Variants in APLF observed in about 807,000 individuals in gnomAD.
APLF encodes the protein aprataxin and PNK-like factor.
APLF carries 61 observed loss-of-function variants against 55.6 expected under a neutral mutation model. The ratio of observed to expected loss-of-function variants is 1.10; its 90% CI spans 0.89 to 1.36. APLF has a LOEUF of 1.36. APLF is among the 40% of genes most tolerant of loss of function. The pLI is 0.00. For missense variants in APLF, 611 were observed against 602.5 expected (o/e 1.01, Z -0.15); for synonymous variants, 207 against 214.8 (o/e 0.96, Z 0.32).
At chr2:68,513,364 T>G in intron 4 of APLF, 137 bp downstream of exon 4, 2 of 1,266,960 alleles carry the variant, frequency 1.6e-6, no homozygotes, top group Non-Finnish European at 2.2e-6. Context: ...AGTTAAGCTC[T>G]AGAGAATATG....
At chr2:68,468,028 T>C (rs1362574495) in intron 1 of APLF, among the ~76,000 whole-genome samples, 1 of 152,232 alleles carries the variant, frequency 6.6e-6, no homozygotes, top group Non-Finnish European at 1.5e-5. Flanking sequence ...AAACACTGAC[T>C]GTATTACCAT....
At chr2:68,556,080 A>C (rs1359990305) in intron 8 of APLF, among the ~76,000 whole-genome samples, 1 of 152,218 alleles carries the variant, frequency 6.6e-6, no homozygotes, top group African/African-American at 2.4e-5. Flanking sequence ...CTATTATTCT[A>C]AGTGAAGTAT....
chr2:68,570,037 T>C (rs1397627151), intron 9 of APLF, among the ~76,000 whole-genome samples: 1 of 152,122 alleles, frequency 6.6e-6, no homozygotes, highest in Non-Finnish European at 1.5e-5. Context: ...TCTTACTCTT[T>C]AATTTCTGAT....
chr2:68,540,764 G>A (rs1316570172), intron 7 of APLF, among the ~76,000 whole-genome samples: 1 of 150,452 alleles, frequency 6.6e-6, no homozygotes, highest in Non-Finnish European at 1.5e-5. Flanking sequence ...TAGGGTGTAT[G>A]TGCATGCGTG....
intron 2 of APLF, among the ~76,000 whole-genome samples, chr2:68,500,140 G>A (rs915745514): frequency 2.6e-5 from 4 of 152,030 alleles, no homozygotes; most frequent in Non-Finnish European, 4.4e-5. Context: ...CTTCATGTAC[G>A]TATAGCATTT....
At chr2:68,512,419 C>T (rs1282143886) in intron 3 of APLF, among the ~76,000 whole-genome samples, 1 of 151,690 alleles carries the variant, frequency 6.6e-6, no homozygotes, top group Non-Finnish European at 1.5e-5. Flanking sequence ...TCTATAGTTT[C>T]AAATTTTCGA....
rs531124568 is a variant in APLF, at chr2:68,507,398, G to A, written c.341+4495G>A. 2.6e-5 allele frequency among the ~76,000 whole-genome samples: 4 copies of A among 151,922 alleles called. No homozygotes were observed. In the East Asian group the frequency reaches 7.8e-4, roughly 29 times the overall value. ...CTCACATTAAAATGTTTTTTATATA[G>A]TATTTAGATTCTGTATAATTAGTCC... On this transcript the variant is annotated intron_variant, in intron 3 of 9. Coordinates refer to ENST00000303795, the MANE Select transcript of APLF (RefSeq NM_173545.3).
At chr2:68,544,201 ACTC>A (rs1263357673) in intron 7 of APLF, among the ~76,000 whole-genome samples, 2 of 151,756 alleles carry the variant, frequency 1.3e-5, no homozygotes, top group African/African-American at 4.8e-5. Context: ...CTGGTCCTGA[ACTC>A]CTGACTTCAA....
At chr2:68,518,222 T>G (rs1234113956) in intron 5 of APLF, among the ~76,000 whole-genome samples, 1 of 120,330 alleles carries the variant, frequency 8.3e-6, no homozygotes, top group African/African-American at 3.3e-5. Flanking sequence ...ATCGTTAATA[T>G]ATAATAGATC....
chr2:68,515,621 C>T, intron 5 of APLF: 1 of 985,010 alleles, frequency 1.0e-6, no homozygotes, highest in African/African-American at 1.7e-5. Context: ...TTTTTGGGCA[C>T]TTCTCTTTGA....
chr2:68,541,121 T>C (rs1288931373), intron 7 of APLF, among the ~76,000 whole-genome samples: 1 of 152,164 alleles, frequency 6.6e-6, no homozygotes, highest in Non-Finnish European at 1.5e-5. Context: ...GAATCTTAAC[T>C]CCTGCCTTAT....
chr2:68,513,075 T>A lies in APLF; in HGVS notation c.342-5T>A, dbSNP rs752922201. Reference sequence around the variant, plus strand: ...TTAAAGACCAGTTTCTATTTTATCTTATAGAAACAGTCAAGTGCTTGATGA... The same window carrying A: ...TTAAAGACCAGTTTCTATTTTATCTAATAGAAACAGTCAAGTGCTTGATGA... On this transcript the variant is annotated splice_polypyrimidine_tract_variant and splice_region_variant and intron_variant, in intron 3 of 9. Coordinates refer to ENST00000303795, the MANE Select transcript of APLF (RefSeq NM_173545.3). 1 of 1,596,386 alleles carries A rather than the reference T, an allele frequency of 6.3e-7. No homozygotes were observed. Among genetic ancestry groups the A allele is most frequent in the Admixed American group, 1.8e-5 (1 of 57,006 alleles).
intron 5 of APLF, among the ~76,000 whole-genome samples, chr2:68,520,669 G>T (rs1412836303): frequency 9.9e-5 from 15 of 151,760 alleles, no homozygotes; most frequent in Admixed American, 9.9e-4. Flanking sequence ...GTTGGTCTAT[G>T]TGCCTGTTTT....
In APLF at chr2:68,556,584, TCTTA is replaced by T. The variant is rs1307096325; in HGVS notation, c.1287-10753_1287-10750del. 2.6e-5 allele frequency among the ~76,000 whole-genome samples: 4 copies of T among 152,312 alleles called. No homozygotes were observed. The East Asian group carries it at 5.8e-4, about 22-fold the overall frequency. On this transcript the variant is annotated intron_variant, in intron 8 of 9. Coordinates refer to ENST00000303795, the MANE Select transcript of APLF (RefSeq NM_173545.3). Reference sequence around the variant, plus strand: ...GATTTTATGCAGTGTGTATTCCTGTTCTTACTTGTTGAATTAAGCACTTATCTTA... The same window carrying T: ...GATTTTATGCAGTGTGTATTCCTGTTCTTGTTGAATTAAGCACTTATCTTA...
At chr2:68,569,314 A>C (rs987155779) in intron 9 of APLF, among the ~76,000 whole-genome samples, 2 of 152,090 alleles carry the variant, frequency 1.3e-5, no homozygotes, top group Non-Finnish European at 2.9e-5. Flanking sequence ...TATCAGGTAG[A>C]CTTGATATGA....
At chr2:68,489,977 G>C (rs1676308218) in intron 1 of APLF, among the ~76,000 whole-genome samples, 1 of 152,082 alleles carries the variant, frequency 6.6e-6, no homozygotes, top group South Asian at 2.1e-4. Context: ...AGGCTCTGTT[G>C]TTGACTCTTC....
At chr2:68,480,465 A>T (rs1461662942) in intron 1 of APLF, among the ~76,000 whole-genome samples, 1 of 151,764 alleles carries the variant, frequency 6.6e-6, no homozygotes, top group Non-Finnish European at 1.5e-5. Context: ...CACCATGTGC[A>T]GCTAATTTTT....
intron 3 of APLF, among the ~76,000 whole-genome samples, chr2:68,506,290 T>TTTTTTTTTTTTTTTTTTTTTTTGAGACG (rs1676871011): frequency 1.3e-5 from 2 of 150,728 alleles, no homozygotes; most frequent in African/African-American, 5.0e-5. Flanking sequence ...GGGCAGATCT[T>TTTTTTTTTTTTTTTTTTTTTTTGAGACG]GAATTGCAGT....
intron 8 of APLF, among the ~76,000 whole-genome samples, chr2:68,558,965 G>A (rs1671092385): frequency 6.6e-6 from 1 of 152,154 alleles, no homozygotes; most frequent in Admixed American, 6.6e-5. Context: ...CAAATCTTTG[G>A]AAGTAAATAA....
Sources: allele counts gnomAD v4.1 joint callset (sites outside exome capture counted in the v4.1 genomes callset), GRCh38; gene constraint gnomAD v4.1.1; transcripts MANE v1.5; gene names NCBI Gene and HGNC (gene_info 2026-07-23, HGNC 2026-07-21).